The following CSMD1 variants were observed in gnomAD, a reference collection of about 807,000 sequenced individuals.
CSMD1 encodes CUB and sushi domain-containing protein 1.
A neutral mutation model predicts 417.5 loss-of-function variants in CSMD1; 213 were observed. The observed-to-expected ratio is 0.51, with a 90% CI of 0.46 to 0.57. The LOEUF is 0.57. Among genes scored for constraint, CSMD1 ranks in the 20% least tolerant of loss-of-function variants. CSMD1 has a pLI of 0.00. For synonymous variants in CSMD1, 2,862 were observed against 1,736.8 expected, an observed-to-expected ratio of 1.65 and a Z score of -16.11; for missense variants, 6,923 against 4,529.7, an observed-to-expected ratio of 1.53 and a Z score of -15.17.
chr8:4,239,501 A>C (rs896513884), intron 3 of CSMD1, among the ~76,000 whole-genome samples: 1 of 152,178 alleles, frequency 6.6e-6, no homozygotes, highest in African/African-American at 2.4e-5. Context: ...GCCCCACCCC[A>C]GTCTGGTCCT....
intron 1 of CSMD1, among the ~76,000 whole-genome samples, chr8:4,810,504 C>T (rs905335894): frequency 2.0e-5 from 3 of 152,046 alleles, no homozygotes; most frequent in Non-Finnish European, 4.4e-5. Context: ...TGGCAATTGT[C>T]TGTAACACTT....
chr8:4,802,344 TGTGC>T (rs111715397), intron 1 of CSMD1, among the ~76,000 whole-genome samples: 2,505 of 141,982 alleles, frequency 0.018, 75 homozygotes, highest in African/African-American at 0.071. Flanking sequence ...AAAATGAGTG[TGTGC>T]GCGCGTGTGT....
intron 6 of CSMD1, among the ~76,000 whole-genome samples, chr8:3,747,520 T>C (rs112566640): frequency 1.1e-4 from 17 of 152,188 alleles, no homozygotes; most frequent in African/African-American, 3.6e-4. Flanking sequence ...TCATGAAATA[T>C]TGTATGTGAG....
intron 29 of CSMD1, among the ~76,000 whole-genome samples, chr8:3,218,894 T>C (rs931783622): frequency 6.6e-6 from 1 of 152,158 alleles, no homozygotes; most frequent in Middle Eastern, 3.4e-3. Context: ...AAAAAAAAAG[T>C]TATTTTCATG....
chr8:4,177,669 T>G (rs1234732407), intron 3 of CSMD1, among the ~76,000 whole-genome samples: 1 of 138,700 alleles, frequency 7.2e-6, no homozygotes, highest in Non-Finnish European at 1.6e-5. Flanking sequence ...TCAACAAAAT[T>G]GATAGACCGC....
At chr8:3,677,837 T>A (rs1055536887) in intron 7 of CSMD1, among the ~76,000 whole-genome samples, 1 of 152,164 alleles carries the variant, frequency 6.6e-6, no homozygotes, top group Non-Finnish European at 1.5e-5. Flanking sequence ...TTCAATAACA[T>A]TCTTTAACTC....
At chr8:3,758,487 G>A (rs984939704) in intron 5 of CSMD1, among the ~76,000 whole-genome samples, 1 of 152,150 alleles carries the variant, frequency 6.6e-6, no homozygotes, top group African/African-American at 2.4e-5. Flanking sequence ...GAACTGTGTT[G>A]TTATTCTATC....
chr8:4,216,663 G>A (rs1036686818), intron 3 of CSMD1, among the ~76,000 whole-genome samples: 1 of 152,134 alleles, frequency 6.6e-6, no homozygotes, highest in East Asian at 1.9e-4. Context: ...AAATGACTGA[G>A]TGAAGGGAAG....
intron 2 of CSMD1, among the ~76,000 whole-genome samples, chr8:4,513,993 C>G (rs183346708): frequency 6.6e-6 from 1 of 152,154 alleles, no homozygotes. Flanking sequence ...AGCTAAAGAG[C>G]CTCCTCATTT....
intron 1 of CSMD1, among the ~76,000 whole-genome samples, chr8:4,716,738 A>C (rs1808683530): frequency 6.6e-6 from 1 of 152,206 alleles, no homozygotes; most frequent in Admixed American, 6.5e-5. Flanking sequence ...TGTGAGAATT[A>C]ACTAAAAACT....
intron 2 of CSMD1, among the ~76,000 whole-genome samples, chr8:4,589,532 G>C (rs1481840923): frequency 6.6e-6 from 1 of 152,132 alleles, no homozygotes; most frequent in Non-Finnish European, 1.5e-5. Context: ...CATTCCCCAG[G>C]TTAGGAAGTG....
chr8:3,141,417 T>C (rs758170603), intron 41 of CSMD1, among the ~76,000 whole-genome samples: 2 of 152,154 alleles, frequency 1.3e-5, no homozygotes, highest in Admixed American at 6.5e-5. Flanking sequence ...TGAAACAAAA[T>C]TGATCATGGC....
At chr8:3,863,590 G>C (rs1341305068) in intron 5 of CSMD1, among the ~76,000 whole-genome samples, 6 of 152,026 alleles carry the variant, frequency 3.9e-5, no homozygotes, top group Admixed American at 1.3e-4. Flanking sequence ...ATCTAAGCCT[G>C]ACATCAAACC....
At chr8:4,774,082 A>T (rs1478136254) in intron 1 of CSMD1, among the ~76,000 whole-genome samples, 7 of 152,174 alleles carry the variant, frequency 4.6e-5, no homozygotes, top group Non-Finnish European at 1.0e-4. Flanking sequence ...CTGTAATCCC[A>T]GCTACTCAGG....
chr8:4,743,085 C>G (rs1297921677), intron 1 of CSMD1, among the ~76,000 whole-genome samples: 2 of 152,090 alleles, frequency 1.3e-5, no homozygotes, highest in Non-Finnish European at 2.9e-5. Flanking sequence ...AAAATTGGCT[C>G]TGCTAAGAGT....
At chr8:4,699,872 G>C (rs920168510) in intron 1 of CSMD1, among the ~76,000 whole-genome samples, 2 of 152,180 alleles carry the variant, frequency 1.3e-5, no homozygotes, top group African/African-American at 4.8e-5. Flanking sequence ...AAGAACAAGA[G>C]ACAAAGTTTT....
intron 3 of CSMD1, among the ~76,000 whole-genome samples, chr8:4,297,917 GT>G (rs1205853775): frequency 1.3e-5 from 2 of 152,120 alleles, no homozygotes; most frequent in East Asian, 1.9e-4. Flanking sequence ...AATCAGAAAG[GT>G]TTTTATTAGC....
chr8:3,615,561 T>A (rs540723280), intron 8 of CSMD1, among the ~76,000 whole-genome samples: 1 of 152,214 alleles, frequency 6.6e-6, no homozygotes, highest in Non-Finnish European at 1.5e-5. Context: ...TTTGTATGCT[T>A]TTCATGTAAA....
chr8:3,939,470 A>C (rs1450279600), intron 5 of CSMD1, among the ~76,000 whole-genome samples: 1 of 152,152 alleles, frequency 6.6e-6, no homozygotes, highest in African/African-American at 2.4e-5. Context: ...TAAAGAACTA[A>C]AAGTAGAACT....
Sources: allele counts gnomAD v4.1 joint callset (sites outside exome capture counted in the v4.1 genomes callset), GRCh38; gene constraint gnomAD v4.1.1; transcripts MANE v1.5; gene names NCBI Gene and HGNC (gene_info 2026-07-23, HGNC 2026-07-21).